RGS7: variants seen among roughly 807,000 people sequenced by gnomAD.
RGS7 encodes regulator of G-protein signaling 7.
A neutral mutation model predicts 81.1 loss-of-function variants in RGS7; 27 were observed. That is an observed-to-expected ratio of 0.33 (90% CI 0.25 to 0.46). The LOEUF (loss-of-function observed/expected upper bound fraction) is 0.46. Among genes scored for constraint, RGS7 ranks in the 20% least tolerant of loss-of-function variants. RGS7 has a pLI of 1.00. For synonymous variants in RGS7, 208 were observed against 207.7 expected (o/e 1.00, Z -0.01); for missense variants, 396 against 607.4 (o/e 0.65, Z 3.66).
chr1:241,022,147 A>T (rs1254614777), intron 3 of RGS7, among the ~76,000 whole-genome samples: 4 of 152,218 alleles, frequency 2.6e-5, no homozygotes, highest in Non-Finnish European at 5.9e-5. Flanking sequence ...TAGCCCTATT[A>T]GGTAGGCCTT....
chr1:241,026,382 G>C (rs2059783470), intron 3 of RGS7, among the ~76,000 whole-genome samples: 1 of 152,154 alleles, frequency 6.6e-6, no homozygotes, highest in Non-Finnish European at 1.5e-5. Context: ...GAGGTCAGGG[G>C]TTAGAGACCA....
intron 18 of RGS7, among the ~76,000 whole-genome samples, chr1:240,791,274 C>T (rs1685961616): frequency 6.6e-6 from 1 of 152,232 alleles, no homozygotes; most frequent in African/African-American, 2.4e-5. Context: ...TTATTAGGTA[C>T]TGGCCATTGA....
At chr1:241,204,251 A>G (rs1403038212) in intron 2 of RGS7, among the ~76,000 whole-genome samples, 1 of 152,236 alleles carries the variant, frequency 6.6e-6, no homozygotes, top group African/African-American at 2.4e-5. Flanking sequence ...GAGGAGGGTA[A>G]TTCATTGGAT....
intron 2 of RGS7, among the ~76,000 whole-genome samples, chr1:241,117,264 C>T (rs1473565021): frequency 6.6e-6 from 1 of 152,184 alleles, no homozygotes; most frequent in East Asian, 1.9e-4. Context: ...TCAACCAAGA[C>T]ATTGAAATGC....
intron 3 of RGS7, among the ~76,000 whole-genome samples, chr1:241,000,582 C>T (rs527952): frequency 0.17 from 26,565 of 152,034 alleles, 2,549 homozygotes; most frequent in Middle Eastern, 0.31. Flanking sequence ...CAGAACTGTA[C>T]TGTTCAATAT....
chr1:240,993,277 A>G (rs973032603), intron 3 of RGS7, among the ~76,000 whole-genome samples: 1 of 151,440 alleles, frequency 6.6e-6, no homozygotes, highest in Non-Finnish European at 1.5e-5. Flanking sequence ...AAAAGAAAGA[A>G]AGAGAGAGAG....
In RGS7 at chr1:241,264,293, T is replaced by A. The variant is rs141436083; in HGVS notation, c.78+91406A>T. Reference sequence around the variant, plus strand: ...TGGGCAGATAATTTGAGGTCAGGAGTTCAAGACCAGCCTGGCCAACATGGT... The same window carrying A: ...TGGGCAGATAATTTGAGGTCAGGAGATCAAGACCAGCCTGGCCAACATGGT... On this transcript the variant is annotated intron_variant, in intron 2 of 18. Transcript: ENST00000440928. Among the ~76,000 whole-genome samples the A allele has an allele frequency of 1.6e-3, 243 of 151,634 alleles. 1 individual carries two copies. Among genetic ancestry groups the A allele is most frequent in the African/African-American group, 5.5e-3 (229 of 41,302 alleles).
intron 3 of RGS7, among the ~76,000 whole-genome samples, chr1:241,052,930 T>C (rs2148811910): frequency 6.6e-6 from 1 of 152,158 alleles, no homozygotes; most frequent in Non-Finnish European, 1.5e-5. Context: ...CCCATCATCC[T>C]CTGCTTGATT....
At chr1:241,008,991 G>A (rs1488190424) in intron 3 of RGS7, among the ~76,000 whole-genome samples, 2 of 150,270 alleles carry the variant, frequency 1.3e-5, no homozygotes, top group Non-Finnish European at 3.0e-5. Flanking sequence ...CTAGGCAGCT[G>A]TAACCTTTGT....
At position 240,800,673 on chromosome 1, in the gene RGS7, G is replaced by A; in HGVS notation, c.1462C>T (p.Leu488=). The A allele has an allele frequency of 1.3e-6, 2 of 1,547,864 alleles. No homozygotes were observed. Among genetic ancestry groups the A allele is most frequent in the Non-Finnish European group, 1.7e-6 (2 of 1,144,936 alleles). The change falls in exon 18 of 19, where the codon CTG becomes TTG. Residue 488 remains leucine (L), a synonymous_variant. Transcript: ENST00000440928. ...FPCHKNCTPT[L]RASTNLL ...CATAACAGGTTAGTGCTGGCCCTCA[G>A]TGTTGGTGTACAGTTTTTATGGCAT... is the stretch of plus-strand genomic sequence containing the variant.
intron 11 of RGS7, among the ~76,000 whole-genome samples, chr1:240,815,667 T>G (rs1176360844): frequency 6.6e-6 from 1 of 152,114 alleles, no homozygotes; most frequent in Non-Finnish European, 1.5e-5. Flanking sequence ...TATATTATAA[T>G]AAAATATCAG....
intron 3 of RGS7, among the ~76,000 whole-genome samples, chr1:241,056,391 T>C (rs557063745): frequency 6.6e-6 from 1 of 152,306 alleles, no homozygotes; most frequent in African/African-American, 2.4e-5. Flanking sequence ...ACCCATCTCA[T>C]CTCATTCATT....
intron 6 of RGS7, among the ~76,000 whole-genome samples, chr1:240,923,413 G>T (rs1411714869): frequency 6.6e-6 from 1 of 151,998 alleles, no homozygotes; most frequent in African/African-American, 2.4e-5. Context: ...GAACGTATAG[G>T]TGGTACTGAG....
intron 9 of RGS7, among the ~76,000 whole-genome samples, chr1:240,857,499 A>G (rs937753971): frequency 6.6e-6 from 1 of 152,088 alleles, no homozygotes. Flanking sequence ...GTATCTTACA[A>G]AATATTTTCA....
chr1:241,268,532 T>C (rs1190049665), intron 2 of RGS7, among the ~76,000 whole-genome samples: 1 of 152,192 alleles, frequency 6.6e-6, no homozygotes, highest in East Asian at 1.9e-4. Context: ...GTCTGAGTTC[T>C]TCCAACTGTT....
At chr1:240,788,298 C>T (rs1482558521) in intron 18 of RGS7, among the ~76,000 whole-genome samples, 2 of 152,072 alleles carry the variant, frequency 1.3e-5, no homozygotes, top group South Asian at 2.1e-4. Flanking sequence ...ACAAATGGAA[C>T]AAAACAAACA....
At chr1:241,035,971 T>C (rs1034598966) in intron 3 of RGS7, among the ~76,000 whole-genome samples, 1 of 152,240 alleles carries the variant, frequency 6.6e-6, no homozygotes, top group Non-Finnish European at 1.5e-5. Flanking sequence ...ATACTATAGA[T>C]GTAAGTTACT....
At chr1:241,255,148 T>C (rs2077003172) in intron 2 of RGS7, among the ~76,000 whole-genome samples, 1 of 152,210 alleles carries the variant, frequency 6.6e-6, no homozygotes, top group South Asian at 2.1e-4. Flanking sequence ...AGTGGGCAAC[T>C]ATTGTTTTTT....
intron 6 of RGS7, among the ~76,000 whole-genome samples, chr1:240,880,592 G>A (rs144920711): frequency 4.6e-5 from 7 of 152,210 alleles, no homozygotes; most frequent in South Asian, 2.1e-4. Context: ...CTGAGGTCAC[G>A]GACAAAGCTT....
Sources: gnomAD v4.1 joint callset for allele counts (sites outside exome capture counted in the v4.1 genomes callset) on GRCh38, gnomAD v4.1.1 for gene constraint, MANE v1.5 for transcripts, NCBI Gene and HGNC (gene_info 2026-07-23, HGNC 2026-07-21) for gene names.